SLC39A10: variants seen among roughly 807,000 people sequenced by gnomAD.
SLC39A10 encodes zinc transporter ZIP10.
Under a neutral mutation model 65.1 loss-of-function variants are expected in SLC39A10, and 13 were observed. The ratio of observed to expected loss-of-function variants is 0.20; its 90% CI spans 0.13 to 0.32. The LOEUF (loss-of-function observed/expected upper bound fraction) is 0.32. SLC39A10 is among the 10% of genes least tolerant of loss of function. The probability of loss-of-function intolerance (pLI) is 1.00; values close to 1 mark genes in which losing one functional copy is unlikely to be tolerated. For missense variants in SLC39A10, 831 were observed against 1,018.4 expected, an observed-to-expected ratio of 0.82 and a Z score of 2.50; for synonymous variants, 321 against 342.2, an observed-to-expected ratio of 0.94 and a Z score of 0.68.
At chr2:195,652,302 C>G (rs976720273), upstream of SLC39A10, among the ~76,000 whole-genome samples, 1 of 152,050 alleles carries the variant, frequency 6.6e-6, no homozygotes, top group Admixed American at 6.5e-5. Flanking sequence ...AATACCAGCA[C>G]TTTGGGACGC....
intron 2 of SLC39A10, among the ~76,000 whole-genome samples, chr2:195,622,108 A>G (rs925396988): frequency 1.8e-4 from 27 of 152,154 alleles, no homozygotes; most frequent in African/African-American, 6.0e-4. Context: ...GTTTATGCCT[A>G]TAATCCCAGC....
In SLC39A10 at chr2:195,735,087, C is replaced by T; in HGVS notation, c.*46C>T. Reference sequence around the variant, plus strand: ...TGATTACGAGAATGTTACCATGCAGCTTTGCATCTGTTCCTTGTACTGTAT... The same window carrying T: ...TGATTACGAGAATGTTACCATGCAGTTTTGCATCTGTTCCTTGTACTGTAT... On this transcript the variant is annotated 3_prime_UTR_variant, in exon 10 of 10. Transcript: ENST00000359634. The T allele has an allele frequency of 6.3e-7, 1 of 1,577,576 alleles. No individual in the cohort carries two copies. The highest frequency in any genetic ancestry group is 8.6e-7 in the Non-Finnish European group (1 of 1,161,124).
Position 195,708,660 on chromosome 2 carries a change from AG to A in SLC39A10, c.1394del (p.Gly465ValfsTer32). ...DALLHLLPHS[Q>X]GGHDHSHQHA... is the part of the protein sequence containing the mutation. Reference sequence around the variant, plus strand: ...TTTATTTGTTCTTATTAATAGTCTCAGGGTGGACATGATCACAGTCACCAAC... The same window carrying A: ...TTTATTTGTTCTTATTAATAGTCTCAGGTGGACATGATCACAGTCACCAAC... On this transcript the variant is annotated frameshift_variant, in exon 5 of 10. Transcript: ENST00000359634. LOFTEE classifies it high-confidence loss of function. 1 of 1,577,914 alleles carries A rather than the reference AG, an allele frequency of 6.3e-7. No homozygotes were observed. Among genetic ancestry groups the A allele is most frequent in the Non-Finnish European group, 8.6e-7 (1 of 1,165,714 alleles).
At chr2:195,667,093 TTCTC>T (rs371735501) in intron 1 of SLC39A10, among the ~76,000 whole-genome samples, 155 of 152,370 alleles carry the variant, frequency 1.0e-3, no homozygotes, top group African/African-American at 3.7e-3. Context: ...AATGTTTATA[TTCTC>T]TCTCAAGTTA....
chr2:195,655,602 C>T (rs377557690), upstream of SLC39A10, among the ~76,000 whole-genome samples: 190 of 152,190 alleles, frequency 1.2e-3, 1 homozygote, highest in Admixed American at 3.8e-3. Flanking sequence ...ATATTTAAAA[C>T]GATCCCCTTA....
At chr2:195,673,962 T>A (rs1689978900) in intron 1 of SLC39A10, among the ~76,000 whole-genome samples, 1 of 152,196 alleles carries the variant, frequency 6.6e-6, no homozygotes, top group South Asian at 2.1e-4. Context: ...ATCAGCTGAT[T>A]TCCCTCCTTC....
Position 195,737,408 on chromosome 2 carries a change from GTGAT to G in SLC39A10, c.*2377_*2380del, listed in dbSNP as rs35974800. On this transcript the variant is annotated 3_prime_UTR_variant, in exon 10 of 10. Coordinates refer to ENST00000359634, the MANE Select transcript of SLC39A10 (RefSeq NM_020342.3). ...TCACATTGCATTCAATCAATCAGCT[GTGAT>G]TGATTGATTATGCTTAGAAATACTA... 65,963 of 156,082 alleles carry G rather than the reference GTGAT, an allele frequency of 0.42. 16,394 individuals are homozygous for G. The highest frequency in any genetic ancestry group is 0.57 in the Non-Finnish European group (39,787 of 70,232). The allele number at this position is 156,082 out of a possible 1,614,324, so 9.7% of individuals were successfully genotyped here.
At chr2:195,670,385 A>G (rs1474767575) in intron 1 of SLC39A10, 1 of 152,158 alleles carries the variant, frequency 6.6e-6, no homozygotes, top group East Asian at 1.9e-4. Context: ...AATATAGACC[A>G]TTTCACAAAT....
chr2:195,714,496 A>G (rs1389465835), intron 6 of SLC39A10, among the ~76,000 whole-genome samples: 1 of 152,198 alleles, frequency 6.6e-6, no homozygotes, highest in African/African-American at 2.4e-5. Context: ...CTTGTTTATA[A>G]TCATTTATTA....
At position 195,735,964 on chromosome 2, in the gene SLC39A10, T is replaced by TGTAA. The variant is rs1418115506; in HGVS notation, c.*926_*929dup. Reference sequence around the variant, plus strand: ...CAGTACCAACTAGTTAATTGGGAAATGTAAGTTCTGAATGTTCACATTGCT... The same window carrying TGTAA: ...CAGTACCAACTAGTTAATTGGGAAATGTAAGTAAGTTCTGAATGTTCACATTGCT... On this transcript the variant is annotated 3_prime_UTR_variant, in exon 10 of 10. Coordinates refer to ENST00000359634, the MANE Select transcript of SLC39A10 (RefSeq NM_020342.3). 1 of 152,288 alleles carries TGTAA rather than the reference T, an allele frequency of 6.6e-6. No homozygotes were observed. The highest frequency in any genetic ancestry group is 6.6e-5 in the Admixed American group (1 of 15,266). The allele number at this position is 152,288 out of a possible 1,614,324, so 9.4% of individuals were successfully genotyped here.
intron 2 of SLC39A10, among the ~76,000 whole-genome samples, chr2:195,614,293 A>G (rs1688160567): frequency 6.6e-6 from 1 of 152,242 alleles, no homozygotes; most frequent in African/African-American, 2.4e-5. Context: ...TAACCAGATC[A>G]TGATGGAGCA....
rs774168304 is a variant in SLC39A10 at position 195,734,431 on chromosome 2, G to A, written c.2338-452G>A. On this transcript the variant is annotated intron_variant, in intron 9 of 9. Transcript: ENST00000359634. Reference sequence around the variant, plus strand: ...CCACCTCGGCCTTCCAAAGTGCTGGGATTTATGGGCGTGAGCCACCGTGCC... The same window carrying A: ...CCACCTCGGCCTTCCAAAGTGCTGGAATTTATGGGCGTGAGCCACCGTGCC... 3.9e-4 allele frequency among the ~76,000 whole-genome samples: 59 copies of A among 152,156 alleles called. 2 individuals are homozygous for A. The highest frequency in any genetic ancestry group is 5.1e-4 in the Non-Finnish European group (35 of 68,028).
chr2:195,721,926 T>A (rs958574699), intron 8 of SLC39A10, among the ~76,000 whole-genome samples: 6 of 152,184 alleles, frequency 3.9e-5, no homozygotes, highest in African/African-American at 1.4e-4. Context: ...TGAAAACAAG[T>A]TGGAGATTAA....
Position 195,728,258 on chromosome 2 carries a change from G to C in SLC39A10, c.2246G>C (p.Gly749Ala), listed in dbSNP as rs1407386368. The C allele has an allele frequency of 1.2e-6, 2 of 1,613,998 alleles. No individual in the cohort carries two copies. Reference sequence around the variant, plus strand: ...ATGGCTTACATAGGCATGCTCATAGGCACAGCTGTTGGTCAGTATGCCAAT... The same window carrying C: ...ATGGCTTACATAGGCATGCTCATAGCCACAGCTGTTGGTCAGTATGCCAAT... ...AMMAYIGMLI[G>A]TAVGQYANNI... Residue 749 changes from glycine to alanine, a missense_variant, in exon 9 of 10, where the codon GGC becomes GCC. Around this residue, in one of 4 missense-constraint regions of SLC39A10, gnomAD observed 120 missense variants for 203.9 expected, o/e 0.59. Transcript: ENST00000359634. The surrounding 1 kb of genome is among the most constrained non-coding windows in gnomAD (Gnocchi z 4.4).
intron 7 of SLC39A10, 181 bp downstream of exon 7, chr2:195,717,186 G>A: frequency 3.1e-6 from 2 of 649,514 alleles, no homozygotes; most frequent in Non-Finnish European, 4.8e-6. Flanking sequence ...AATTTAGTGG[G>A]GTTTTTTAGA....
At chr2:195,675,389 C>CTG (rs1222716220) in intron 1 of SLC39A10, among the ~76,000 whole-genome samples, 1 of 152,070 alleles carries the variant, frequency 6.6e-6, no homozygotes, top group Non-Finnish European at 1.5e-5. Flanking sequence ...GTTGAGTGTT[C>CTG]TGTTATTGCA....
chr2:195,656,423 G>A (rs904323145), upstream of SLC39A10, among the ~76,000 whole-genome samples: 2 of 152,150 alleles, frequency 1.3e-5, no homozygotes, highest in Non-Finnish European at 2.9e-5. Flanking sequence ...GCTGGATCGG[G>A]ATTTTTTTGT....
chr2:195,689,555 G>T (rs986644454), intron 3 of SLC39A10, among the ~76,000 whole-genome samples: 2 of 152,012 alleles, frequency 1.3e-5, no homozygotes, highest in Admixed American at 1.3e-4. Flanking sequence ...TTACTGTGAT[G>T]AAATACAGTA....
At chr2:195,705,869 C>T (rs954712754) in intron 3 of SLC39A10, among the ~76,000 whole-genome samples, 1 of 152,092 alleles carries the variant, frequency 6.6e-6, no homozygotes, top group African/African-American at 2.4e-5. Flanking sequence ...TAGATAAAGA[C>T]ATGTATACAG....
Sources: allele counts gnomAD v4.1 joint callset (sites outside exome capture counted in the v4.1 genomes callset), GRCh38; gene constraint gnomAD v4.1.1; regional missense constraint gnomAD v4.1.1; non-coding constraint Gnocchi (gnomAD v3.1); transcripts MANE v1.5; gene names NCBI Gene and HGNC (gene_info 2026-07-23, HGNC 2026-07-21).